Variants in RBFOX1 observed in about 807,000 individuals in gnomAD.
RBFOX1 encodes the protein RNA binding fox-1 homolog 1.
Under a neutral mutation model 57.7 loss-of-function variants are expected in RBFOX1, and 8 were observed. That is an observed-to-expected ratio of 0.14 (90% CI 0.08 to 0.25). RBFOX1 has a LOEUF of 0.25. Among genes scored for constraint, RBFOX1 ranks in the 10% least tolerant of loss-of-function variants. The pLI is 1.00. For missense variants in RBFOX1, 611 were observed against 548.5 expected, an observed-to-expected ratio of 1.11 and a Z score of -1.14; for synonymous variants, 326 against 222.4, an observed-to-expected ratio of 1.47 and a Z score of -4.15.
intron 5 of RBFOX1, among the ~76,000 whole-genome samples, chr16:7,524,833 G>C (rs1265715826): frequency 6.6e-6 from 1 of 152,206 alleles, no homozygotes; most frequent in African/African-American, 2.4e-5. Context: ...TTCCATGCCA[G>C]TTCTGATTTT....
intron 1 of RBFOX1, among the ~76,000 whole-genome samples, chr16:6,135,921 A>G (rs201838673): frequency 6.9e-6 from 1 of 145,276 alleles, no homozygotes; most frequent in Non-Finnish European, 1.5e-5. Flanking sequence ...CAGCCTCCCC[A>G]GTAGCTGGGA....
intron 3 of RBFOX1, among the ~76,000 whole-genome samples, chr16:7,028,634 A>T (rs1393669323): frequency 1.4e-5 from 2 of 144,046 alleles, no homozygotes; most frequent in African/African-American, 5.1e-5. Flanking sequence ...AAAAAAAAAA[A>T]ATTGAACCAC....
At chr16:5,357,036 C>G (rs961428980) in intron 1 of RBFOX1, among the ~76,000 whole-genome samples, 2 of 152,320 alleles carry the variant, frequency 1.3e-5, no homozygotes, top group South Asian at 4.1e-4. Flanking sequence ...AGAGTTTAAA[C>G]TACTTGCCCG....
chr16:5,373,769 A>T (rs775506258), intron 1 of RBFOX1, among the ~76,000 whole-genome samples: 1 of 151,300 alleles, frequency 6.6e-6, no homozygotes, highest in East Asian at 2.0e-4. Flanking sequence ...ACACCCAGCT[A>T]ATTTTTGCAC....
intron 4 of RBFOX1, among the ~76,000 whole-genome samples, chr16:7,358,969 A>G (rs1183637560): frequency 6.6e-6 from 1 of 152,178 alleles, no homozygotes; most frequent in African/African-American, 2.4e-5. Context: ...TTAATAGACA[A>G]TTAGATTAAT....
chr16:7,596,377 A>G (rs925437488), intron 8 of RBFOX1, among the ~76,000 whole-genome samples: 6 of 151,164 alleles, frequency 4.0e-5, no homozygotes, highest in Non-Finnish European at 8.8e-5. Flanking sequence ...TTTTTTTTTT[A>G]ATACCAGTTA....
At chr16:5,904,031 C>T (rs74004700) in intron 4 of RBFOX1, among the ~76,000 whole-genome samples, 2 of 152,126 alleles carry the variant, frequency 1.3e-5, no homozygotes, top group South Asian at 2.1e-4. Flanking sequence ...GTCAGCGAGG[C>T]AGCCATGTGC....
chr16:5,753,033 A>T (rs2053267481), intron 3 of RBFOX1, among the ~76,000 whole-genome samples: 1 of 152,054 alleles, frequency 6.6e-6, no homozygotes, highest in African/African-American at 2.4e-5. Context: ...GTGTGGCTAC[A>T]CTTGTAGTCC....
intron 1 of RBFOX1, among the ~76,000 whole-genome samples, chr16:6,250,331 GC>G (rs1327530866): frequency 6.6e-6 from 1 of 152,102 alleles, no homozygotes; most frequent in African/African-American, 2.4e-5. Context: ...AATTTTGCAA[GC>G]CCATATTATT....
chr16:7,195,949 T>A (rs1015401135), intron 4 of RBFOX1, among the ~76,000 whole-genome samples: 2 of 152,078 alleles, frequency 1.3e-5, no homozygotes, highest in Admixed American at 6.6e-5. Context: ...TTTCTTTCAT[T>A]CTCTACTGCC....
At chr16:7,407,277 C>A (rs774404787) in intron 4 of RBFOX1, among the ~76,000 whole-genome samples, 2 of 152,110 alleles carry the variant, frequency 1.3e-5, no homozygotes, top group African/African-American at 4.8e-5. Context: ...GGATGTTACT[C>A]TGGCTACCAC....
At chr16:5,809,015 G>T (rs573416131) in intron 3 of RBFOX1, among the ~76,000 whole-genome samples, 3 of 152,138 alleles carry the variant, frequency 2.0e-5, no homozygotes, top group Admixed American at 2.0e-4. Flanking sequence ...AAACCCTAAC[G>T]CTGCGTATCT....
chr16:6,366,283 A>G (rs2089599997), intron 2 of RBFOX1, among the ~76,000 whole-genome samples: 1 of 152,058 alleles, frequency 6.6e-6, no homozygotes, highest in Non-Finnish European at 1.5e-5. Context: ...CTTGCTTTTG[A>G]CAGATGTTCT....
intron 4 of RBFOX1, among the ~76,000 whole-genome samples, chr16:7,384,691 C>T (rs990862320): frequency 2.0e-5 from 3 of 152,126 alleles, no homozygotes; most frequent in Non-Finnish European, 4.4e-5. Flanking sequence ...GTAATGACAA[C>T]CTAGACTTAG....
chr16:6,464,038 T>A (rs1024697), intron 2 of RBFOX1, among the ~76,000 whole-genome samples: 40,105 of 152,068 alleles, frequency 0.26, 5,432 homozygotes, highest in Middle Eastern at 0.31. Context: ...TGTTCCTGAT[T>A]AATGTGAATC....
intron 3 of RBFOX1, among the ~76,000 whole-genome samples, chr16:6,730,455 TC>T (rs1160937443): frequency 2.1e-4 from 1 of 4,672 alleles, no homozygotes; most frequent in East Asian, 0.5. Context: ...TATCAAATTA[TC>T]TAATCTATCC....
chr16:7,084,708 G>A (rs1478145295), intron 4 of RBFOX1, among the ~76,000 whole-genome samples: 3 of 152,190 alleles, frequency 2.0e-5, no homozygotes, highest in South Asian at 2.1e-4. Flanking sequence ...AGGTTTCTCC[G>A]TAATGTAGAA....
intron 4 of RBFOX1, among the ~76,000 whole-genome samples, chr16:7,389,192 C>T (rs2148360974): frequency 6.6e-6 from 1 of 152,204 alleles, no homozygotes; most frequent in Non-Finnish European, 1.5e-5. Flanking sequence ...GTGGTGTGAT[C>T]ACAGCTCATG....
chr16:7,351,955 A>C (rs553814402), intron 4 of RBFOX1, among the ~76,000 whole-genome samples: 2 of 152,294 alleles, frequency 1.3e-5, no homozygotes, highest in East Asian at 3.9e-4. Context: ...AGGGACTTTG[A>C]TGCCATTTTT....
Sources: allele counts gnomAD v4.1 joint callset (sites outside exome capture counted in the v4.1 genomes callset), GRCh38; gene constraint gnomAD v4.1.1; transcripts MANE v1.5; gene names NCBI Gene and HGNC (gene_info 2026-07-23, HGNC 2026-07-21).